The following ESRRG variants were observed in gnomAD, a reference collection of about 807,000 sequenced individuals.
ESRRG encodes the protein estrogen related receptor gamma.
In ESRRG, 13 loss-of-function variants were observed where a neutral mutation model predicts 44.0. The observed-to-expected ratio is 0.30, with a 90% confidence interval of 0.19 to 0.47. The LOEUF is 0.47. Ranked by LOEUF, ESRRG falls within the 20% of genes least tolerant of loss-of-function variation. ESRRG has a pLI of 1.00. For missense variants in ESRRG, 395 were observed against 580.6 expected, an observed-to-expected ratio of 0.68 and a Z score of 3.29; for synonymous variants, 215 against 214.6, an observed-to-expected ratio of 1.00 and a Z score of -0.02.
intron 2 of ESRRG, among the ~76,000 whole-genome samples, chr1:216,923,117 G>T (rs892919221): frequency 6.6e-6 from 1 of 152,108 alleles, no homozygotes; most frequent in South Asian, 2.1e-4. Flanking sequence ...TATTTATTTT[G>T]GCTACAGTGG....
At chr1:216,773,865 A>G (rs987518760) in intron 2 of ESRRG, among the ~76,000 whole-genome samples, 4 of 152,136 alleles carry the variant, frequency 2.6e-5, no homozygotes, top group Non-Finnish European at 4.4e-5. Flanking sequence ...TCCTTGTCAT[A>G]GATAACATTC....
intron 3 of ESRRG, among the ~76,000 whole-genome samples, chr1:216,614,578 A>C (rs987275026): frequency 1.9e-4 from 29 of 152,194 alleles, no homozygotes; most frequent in Non-Finnish European, 1.0e-4. Context: ...TTAAAGCACT[A>C]CTATTTGTTT....
chr1:216,876,983 T>TGTGC (rs1462237939), intron 2 of ESRRG, among the ~76,000 whole-genome samples: 1 of 149,412 alleles, frequency 6.7e-6, no homozygotes, highest in Non-Finnish European at 1.5e-5. Context: ...CTAATGTGTG[T>TGTGC]GTGTGTGTGT....
chr1:217,072,370 T>C (rs2090671511), intron 1 of ESRRG, among the ~76,000 whole-genome samples: 1 of 152,196 alleles, frequency 6.6e-6, no homozygotes, highest in African/African-American at 2.4e-5. Context: ...GGCATACTTA[T>C]AAGACTTTTC....
intron 1 of ESRRG, among the ~76,000 whole-genome samples, chr1:216,983,686 ATGTGTGTGTGTG>A (rs6143621): frequency 0.043 from 6,446 of 149,452 alleles, 432 homozygotes; most frequent in African/African-American, 0.15. Flanking sequence ...GTGCATGTGC[ATGTGTGTGTGTG>A]TGTGTGTGTG....
chr1:217,099,716 C>T (rs2092479110), intron 1 of ESRRG, among the ~76,000 whole-genome samples: 2 of 152,194 alleles, frequency 1.3e-5, no homozygotes, highest in Admixed American at 6.5e-5. Flanking sequence ...CAGACTGTAA[C>T]ACAGGTGTTA....
At chr1:217,021,955 T>C (rs2080391850) in intron 1 of ESRRG, among the ~76,000 whole-genome samples, 1 of 152,182 alleles carries the variant, frequency 6.6e-6, no homozygotes, top group African/African-American at 2.4e-5. Context: ...TTTTCTCTTT[T>C]CCCCATTCTA....
rs1429588401 is a variant in ESRRG, at chr1:217,017,369, A to T, written c.-106+72138T>A. ...ACTGAGAATAAATGAAAATGTTATT[A>T]TTCATGCTGCTGTCAGACAGGATCA... is the stretch of plus-strand genomic sequence containing the variant. On this transcript the variant is annotated intron_variant, in intron 1 of 7. Transcript: ENST00000359162. Among the ~76,000 whole-genome samples the T allele has an allele frequency of 2.6e-5, 4 of 151,110 alleles. No homozygotes were observed. In the Admixed American group the frequency reaches 2.7e-4, roughly 10 times the overall value.
In ESRRG at chr1:216,631,921, G is replaced by A. The variant is rs548568211; in HGVS notation, c.589+19052C>T. Among the ~76,000 whole-genome samples the A allele has an allele frequency of 1.6e-4, 24 of 152,212 alleles. No individual in the cohort carries two copies. In the South Asian group the frequency reaches 5.0e-3, roughly 32 times the overall value. ...TTGGGATGAGGAAGCAGGGGGACAG[G>A]AAGCCAGCAAGAACTGTCACTCTCT... On this transcript the variant is annotated intron_variant, in intron 3 of 6. Transcript: ENST00000408911.
chr1:216,734,929 GA>G (rs2089590895), intron 2 of ESRRG, among the ~76,000 whole-genome samples: 2 of 89,362 alleles, frequency 2.2e-5, no homozygotes, highest in Non-Finnish European at 2.1e-5. Flanking sequence ...TTTTTTTTGA[GA>G]CGGAGTCTTC....
chr1:216,913,119 A>G (rs1411366983), intron 2 of ESRRG, among the ~76,000 whole-genome samples: 1 of 151,194 alleles, frequency 6.6e-6, no homozygotes, highest in Non-Finnish European at 1.5e-5. Flanking sequence ...CTCAAAAAAA[A>G]AAAAAAAAAA....
intron 2 of ESRRG, among the ~76,000 whole-genome samples, chr1:216,672,940 G>A (rs2075465107): frequency 6.6e-6 from 1 of 152,164 alleles, no homozygotes; most frequent in African/African-American, 2.4e-5. Flanking sequence ...GCCTATGGAT[G>A]CACACGTCCC....
intron 5 of ESRRG, among the ~76,000 whole-genome samples, chr1:216,550,316 C>T (rs928143169): frequency 1.3e-5 from 2 of 152,116 alleles, no homozygotes; most frequent in African/African-American, 2.4e-5. Context: ...TGGTTACTTA[C>T]CGATGTGACA....
chr1:216,735,957 G>A (rs1283302820), intron 2 of ESRRG, among the ~76,000 whole-genome samples: 1 of 130,526 alleles, frequency 7.7e-6, no homozygotes, highest in Non-Finnish European at 1.6e-5. Context: ...CAGCCTAGGC[G>A]ACAGAGCAAT....
chr1:216,831,848 G>A (rs2095492705), intron 2 of ESRRG, among the ~76,000 whole-genome samples: 1 of 152,110 alleles, frequency 6.6e-6, no homozygotes, highest in Non-Finnish European at 1.5e-5. Context: ...GGAGAAAGAT[G>A]TTTGCAAGTC....
chr1:216,528,180 A>G (rs2048257968), intron 5 of ESRRG, among the ~76,000 whole-genome samples: 1 of 152,202 alleles, frequency 6.6e-6, no homozygotes, highest in Non-Finnish European at 1.5e-5. Flanking sequence ...GGGGTGCCTA[A>G]TGCTTTTTCA....
intron 2 of ESRRG, among the ~76,000 whole-genome samples, chr1:216,666,121 A>G (rs1463042389): frequency 1.3e-5 from 2 of 152,176 alleles, no homozygotes; most frequent in Non-Finnish European, 2.9e-5. Context: ...TTGACTTTTA[A>G]CAAGAACTGA....
chr1:216,667,685 C>CAAAAAAAAAA (rs67275285), intron 2 of ESRRG, among the ~76,000 whole-genome samples: 3 of 66,224 alleles, frequency 4.5e-5, no homozygotes, highest in African/African-American at 1.3e-4. Context: ...GACTCCATCT[C>CAAAAAAAAAA]AAAAAAAAAA....
intron 2 of ESRRG, among the ~76,000 whole-genome samples, chr1:216,809,348 C>A (rs772944548): frequency 1.1e-3 from 157 of 138,744 alleles, no homozygotes; most frequent in East Asian, 4.9e-3. Flanking sequence ...AAAAAAAAAA[C>A]CCCATGAGAA....
Sources: gnomAD v4.1 joint callset for allele counts (sites outside exome capture counted in the v4.1 genomes callset) on GRCh38, gnomAD v4.1.1 for gene constraint, MANE v1.5 for transcripts, NCBI Gene and HGNC (gene_info 2026-07-23, HGNC 2026-07-21) for gene names.